The following SYNE2 variants were observed in gnomAD, a reference collection of about 807,000 sequenced individuals.
SYNE2 encodes the protein nesprin-2.
A neutral mutation model predicts 856.3 loss-of-function variants in SYNE2; 431 were observed. That is an observed-to-expected ratio of 0.50 (90% CI 0.47 to 0.55). The LOEUF is 0.55. Ranked by LOEUF, SYNE2 falls within the 20% of genes least tolerant of loss-of-function variation. SYNE2 has a pLI of 0.00. For synonymous variants in SYNE2, 2,923 were observed against 2,872.3 expected (o/e 1.02, Z -0.56); for missense variants, 8,129 against 8,023.2 (o/e 1.01, Z -0.50).
upstream of SYNE2, among the ~76,000 whole-genome samples, chr14:63,848,740 T>C (rs1299872703): frequency 2.0e-5 from 3 of 152,348 alleles, no homozygotes; most frequent in Admixed American, 2.0e-4. Flanking sequence ...AAAGTGCTTT[T>C]GAAATGATAC....
At position 64,213,014 on chromosome 14, in the gene SYNE2, A is replaced by G. The variant is rs772295827; in HGVS notation, c.19056+9A>G. On this transcript the variant is annotated intron_variant, in intron 105 of 115. Transcript: ENST00000555002. ...TCACCTCCTGCACTCCGGTACGGGC[A>G]CTGCTGCCTAGAAATGGCACCTGGG... 7 of 1,612,590 alleles carry G rather than the reference A, an allele frequency of 4.3e-6. No homozygotes were observed. The South Asian group carries it at 7.7e-5, about 18-fold the overall frequency.
chr14:64,098,827 G>A lies in SYNE2; in HGVS notation c.12381+6G>A, dbSNP rs781486571. The stretch of plus-strand genomic sequence containing the variant: ...AAAGTTCCGTGAAGAGCGATGTAAG[G>A]GAAATGATTTTCTTGTTAAAGTTTG... On this transcript the variant is annotated splice_donor_region_variant and intron_variant, in intron 63 of 115. Transcript: ENST00000555002. The A allele has an allele frequency of 1.1e-4, 176 of 1,613,518 alleles. No individual in the cohort carries two copies. The highest frequency in any genetic ancestry group is 1.4e-4 in the Non-Finnish European group (170 of 1,179,856).
Position 64,158,760 on chromosome 14 carries a change from T to C in SYNE2, c.15928T>C (p.Leu5310=), listed in dbSNP as rs74975380. Residue 5310 remains leucine, a synonymous_variant, in exon 86 of 116, where the codon TTG becomes CTG. Coordinates refer to ENST00000555002, the MANE Select transcript of SYNE2 (RefSeq NM_182914.3). ...MEHSKPVVLS[L]ETLRCQVENL... is the part of the protein sequence containing the mutation. ...ACACAGCAAGCCTGTGGTGTTATCA[T>C]TGGAGACCTTGAGATGCCAGGTGGA... The C allele has an allele frequency of 2.8e-3, 4,447 of 1,614,006 alleles. 11 individuals carry two copies. The highest frequency in any genetic ancestry group is 3.5e-3 in the Non-Finnish European group (4,103 of 1,179,892).
chr14:63,969,095 T>G (rs942783208), intron 11 of SYNE2, among the ~76,000 whole-genome samples: 4 of 152,166 alleles, frequency 2.6e-5, no homozygotes, highest in Non-Finnish European at 2.9e-5. Context: ...TTTGTCTTTC[T>G]GTGCCTAGCT....
At chr14:63,910,579 A>G (rs888470184) in intron 2 of SYNE2, among the ~76,000 whole-genome samples, 12 of 152,222 alleles carry the variant, frequency 7.9e-5, no homozygotes, top group African/African-American at 2.4e-4. Flanking sequence ...TTGTTTTTCT[A>G]TGATGTTTTG....
chr14:63,885,091 G>T (rs1166366616), intron 1 of SYNE2, among the ~76,000 whole-genome samples: 2 of 152,140 alleles, frequency 1.3e-5, no homozygotes, highest in Non-Finnish European at 2.9e-5. Context: ...TGCCTCAGCT[G>T]CAGTGAACCA....
chr14:64,135,987 A>T (rs2098084554), intron 78 of SYNE2, among the ~76,000 whole-genome samples: 1 of 152,158 alleles, frequency 6.6e-6, no homozygotes, highest in African/African-American at 2.4e-5. Context: ...ACTGTATCCC[A>T]TGCATACAAT....
At chr14:63,841,419 C>G (rs1346984542) in intron 1 of SYNE2, among the ~76,000 whole-genome samples, 3 of 152,184 alleles carry the variant, frequency 2.0e-5, no homozygotes, top group African/African-American at 7.2e-5. Flanking sequence ...TTCTCTGCCT[C>G]CATTTGCAAA....
chr14:64,219,724 T>G (rs2098686083), intron 110 of SYNE2, among the ~76,000 whole-genome samples: 1 of 152,190 alleles, frequency 6.6e-6, no homozygotes, highest in Admixed American at 6.5e-5. Flanking sequence ...GTGGACACTG[T>G]CAGGCAGTGT....
At chr14:63,938,020 T>C (rs1235057451) in intron 2 of SYNE2, among the ~76,000 whole-genome samples, 2 of 152,098 alleles carry the variant, frequency 1.3e-5, no homozygotes, top group Non-Finnish European at 2.9e-5. Flanking sequence ...GGAGGAGTTG[T>C]TATTAGTAAT....
At chr14:63,864,282 G>C (rs969361841) in intron 1 of SYNE2, 5 of 152,186 alleles carry the variant, frequency 3.3e-5, no homozygotes, top group Admixed American at 2.0e-4. Context: ...TGTAGTCTTT[G>C]TACATTTTTC....
At chr14:64,224,201 A>AAAAC (rs1317420839) in intron 113 of SYNE2, among the ~76,000 whole-genome samples, 2 of 150,366 alleles carry the variant, frequency 1.3e-5, no homozygotes, top group African/African-American at 2.5e-5. Flanking sequence ...AAAAAAAAAA[A>AAAAC]ATACAAAACC....
chr14:64,067,897 A>G (rs2097369753), intron 51 of SYNE2, among the ~76,000 whole-genome samples: 1 of 152,262 alleles, frequency 6.6e-6, no homozygotes, highest in South Asian at 2.1e-4. Context: ...ACTTGCACCA[A>G]CAGTCATTTC....
intron 71 of SYNE2, among the ~76,000 whole-genome samples, 175 bp downstream of exon 71, chr14:64,125,385 A>G (rs2097934199): frequency 6.6e-6 from 1 of 152,184 alleles, no homozygotes; most frequent in South Asian, 2.1e-4. Flanking sequence ...TATATTTTGT[A>G]GTGGTTCCCT....
chr14:64,027,812 T>C lies in SYNE2; in HGVS notation c.6714+19T>C. The C allele has an allele frequency of 1.3e-6, 2 of 1,591,442 alleles. No homozygotes were observed. Among genetic ancestry groups the C allele is most frequent in the Non-Finnish European group, 1.7e-6 (2 of 1,159,434 alleles). The stretch of plus-strand genomic sequence containing the variant: ...ACTGCAGGTGAGGTGGTCAAAATAA[T>C]GCTTTAAATGATTGTTCTAATTATA... On this transcript the variant is annotated intron_variant, in intron 43 of 115. Coordinates refer to ENST00000555002, the MANE Select transcript of SYNE2 (RefSeq NM_182914.3).
At chr14:64,207,301 G>A (rs1049628058) in intron 100 of SYNE2, among the ~76,000 whole-genome samples, 11 of 152,178 alleles carry the variant, frequency 7.2e-5, no homozygotes, top group Admixed American at 2.0e-4. Flanking sequence ...GGGGCTGGGC[G>A]TGGTGGCTCA....
At position 64,029,918 on chromosome 14, in the gene SYNE2, T is replaced by C; in HGVS notation, c.6738T>C (p.Gly2246=). Residue 2246 remains glycine (G), a synonymous_variant, in exon 44 of 116, where the codon GGT becomes GGC. Coordinates refer to ENST00000555002, the MANE Select transcript of SYNE2 (RefSeq NM_182914.3). The stretch of plus-strand genomic sequence containing the variant: ...AGGATTCTGTGCAAAACTTGGACGG[T>C]CACGTTCGAGAACATGATTCATACC... The part of the protein sequence containing the change: ...QLQDSVQNLD[G]HVREHDSYQV... 1 of 1,613,914 alleles carries C rather than the reference T, an allele frequency of 6.2e-7. No homozygotes were observed. The highest frequency in any genetic ancestry group is 8.5e-7 in the Non-Finnish European group (1 of 1,179,936).
At chr14:64,200,804 A>C (rs2098558446) in intron 99 of SYNE2, among the ~76,000 whole-genome samples, 1 of 150,416 alleles carries the variant, frequency 6.6e-6, no homozygotes, top group Admixed American at 6.6e-5. Context: ...TACCCAGTGA[A>C]GGAAGGTACT....
At chr14:64,051,477 T>A in intron 47 of SYNE2, 80 bp from the exon 48 acceptor site, 1 of 1,315,430 alleles carries the variant, frequency 7.6e-7, no homozygotes, top group Non-Finnish European at 1.0e-6. Flanking sequence ...AGAATTAATT[T>A]CTTCTAATGA....
Sources: allele counts gnomAD v4.1 joint callset (sites outside exome capture counted in the v4.1 genomes callset), GRCh38; gene constraint gnomAD v4.1.1; transcripts MANE v1.5; gene names NCBI Gene and HGNC (gene_info 2026-07-23, HGNC 2026-07-21).